ANXA6: variants seen among roughly 807,000 people sequenced by gnomAD.
ANXA6 encodes 67 kDa calelectrin.
Under a neutral mutation model 95.4 loss-of-function variants are expected in ANXA6, and 71 were observed. That is an observed-to-expected ratio of 0.74 (90% confidence interval 0.61 to 0.91). The LOEUF is 0.91. ANXA6 is among the 40% of genes least tolerant of loss of function. The probability of loss-of-function intolerance (pLI) is 0.00; values close to 1 mark genes in which losing one functional copy is unlikely to be tolerated. For missense variants in ANXA6, 830 were observed against 876.4 expected (o/e 0.95, Z 0.67); for synonymous variants, 289 against 315.9 (o/e 0.91, Z 0.90).
intron 2 of ANXA6, among the ~76,000 whole-genome samples, chr5:151,143,635 G>A (rs1765894530): frequency 6.6e-6 from 1 of 152,096 alleles, no homozygotes; most frequent in Admixed American, 6.6e-5. Context: ...CAGATACGAT[G>A]CTAAGGGCAG....
At chr5:151,135,354 G>A (rs1443514368) in intron 7 of ANXA6, among the ~76,000 whole-genome samples, 1 of 152,170 alleles carries the variant, frequency 6.6e-6, no homozygotes, top group African/African-American at 2.4e-5. Flanking sequence ...TTGAAAATGG[G>A]GCACAGGTCA....
chr5:151,140,164 A>G lies in ANXA6; in HGVS notation c.98T>C (p.Met33Thr). The change falls in exon 3 of 26, where the codon ATG (methionine) becomes ACG (threonine). Residue 33 changes from methionine to threonine, a missense_variant. Physicochemically the swap from Met to Thr is moderately conservative, Grantham distance 81 (BLOSUM62 -1). Coordinates refer to ENST00000354546, the MANE Select transcript of ANXA6 (RefSeq NM_001155.5). ...NQDAEALYTA[M>T]KGFGSDKEAI... ...AGCCTGGCACCCACCAAAGCCCTTC[A>G]TGGCAGTGTACAGAGCCTCGGCATC... 1.9e-6 allele frequency: 3 copies of G among 1,613,932 alleles called. No individual in the cohort carries two copies. Among genetic ancestry groups the G allele is most frequent in the Non-Finnish European group, 1.7e-6 (2 of 1,179,858 alleles).
At chr5:151,126,819 C>A (rs981230969) in intron 13 of ANXA6, among the ~76,000 whole-genome samples, 4 of 152,144 alleles carry the variant, frequency 2.6e-5, no homozygotes, top group African/African-American at 9.7e-5. Context: ...CAGGTTCAAG[C>A]GATTCTCCTG....
At chr5:151,103,405 A>C (rs1764602743) in intron 25 of ANXA6, among the ~76,000 whole-genome samples, 165 bp downstream of exon 25, 1 of 152,152 alleles carries the variant, frequency 6.6e-6, no homozygotes, top group Admixed American at 6.5e-5. Flanking sequence ...TTTGGAATTG[A>C]TTTCGGTATA....
At chr5:151,153,629 T>C (rs2113963301) in intron 1 of ANXA6, among the ~76,000 whole-genome samples, 1 of 152,344 alleles carries the variant, frequency 6.6e-6, no homozygotes, top group South Asian at 2.1e-4. Flanking sequence ...GACTCGAGAC[T>C]TTCATTGTCT....
intron 2 of ANXA6, among the ~76,000 whole-genome samples, chr5:151,147,653 T>A (rs865932877): frequency 1.3e-5 from 2 of 152,258 alleles, no homozygotes; most frequent in Non-Finnish European, 1.5e-5. Flanking sequence ...CTCTGTCAGA[T>A]AAGCCAATAC....
intron 23 of ANXA6, among the ~76,000 whole-genome samples, chr5:151,107,507 C>A (rs544299130): frequency 1.3e-5 from 2 of 152,326 alleles, no homozygotes; most frequent in African/African-American, 4.8e-5. Context: ...CCTACCACCA[C>A]CTCTACTTCA....
chr5:151,135,698 A>C (rs1765638837), intron 7 of ANXA6, among the ~76,000 whole-genome samples: 1 of 152,226 alleles, frequency 6.6e-6, no homozygotes, highest in Non-Finnish European at 1.5e-5. Flanking sequence ...CTGCTACCGC[A>C]ACTTTCAATA....
At chr5:151,133,809 C>T (rs1274020849) in intron 8 of ANXA6, among the ~76,000 whole-genome samples, 2 of 152,172 alleles carry the variant, frequency 1.3e-5, no homozygotes, top group African/African-American at 4.8e-5. Flanking sequence ...TCCCGATGCC[C>T]CCAGGCACAG....
At chr5:151,139,226 A>G (rs551747948) in intron 4 of ANXA6, 127 bp downstream of exon 4, 2 of 656,774 alleles carry the variant, frequency 3.0e-6, no homozygotes, top group South Asian at 3.9e-5. Context: ...GAAAAAGAGC[A>G]GGGTAAGGTG....
chr5:151,133,647 G>A (rs1765579774), intron 8 of ANXA6, among the ~76,000 whole-genome samples: 1 of 152,180 alleles, frequency 6.6e-6, no homozygotes, highest in Admixed American at 6.5e-5. Context: ...AATCTTATGG[G>A]ACTAGCATCA....
intron 23 of ANXA6, among the ~76,000 whole-genome samples, chr5:151,107,771 G>A (rs1259659385): frequency 6.6e-6 from 1 of 152,096 alleles, no homozygotes; most frequent in African/African-American, 2.4e-5. Flanking sequence ...GATCCAAAAG[G>A]GAAAAACCTT....
chr5:151,136,303 CGAT>C lies in ANXA6; in HGVS notation c.439_441del (p.Ile147del), dbSNP rs1338679050. 3.7e-6 allele frequency: 6 copies of C among 1,613,874 alleles called. No homozygotes were observed. The highest frequency in any genetic ancestry group is 2.2e-5 in the East Asian group (1 of 44,882). On this transcript the variant is annotated inframe_deletion, in exon 7 of 26. Transcript: ENST00000354546. The stretch of plus-strand genomic sequence containing the variant: ...TTCTGGAAGTGGCCAGAGGTGTCGC[CGAT>C]GATGTCAGCCTCCAGGTCCCGCTCG...
intron 4 of ANXA6, 24 bp downstream of exon 4, chr5:151,139,328 TG>T: frequency 1.3e-6 from 2 of 1,537,860 alleles, no homozygotes; most frequent in South Asian, 1.2e-5. Flanking sequence ...CCGCACCCCA[TG>T]GGCCCTCCGG....
intron 2 of ANXA6, among the ~76,000 whole-genome samples, chr5:151,143,849 C>G (rs1765901083): frequency 6.6e-6 from 1 of 152,016 alleles, no homozygotes; most frequent in Non-Finnish European, 1.5e-5. Flanking sequence ...GACGTCTAAG[C>G]TGAGTCCTGA....
At chr5:151,125,091 T>A (rs1765280564) in intron 14 of ANXA6, among the ~76,000 whole-genome samples, 1 of 152,176 alleles carries the variant, frequency 6.6e-6, no homozygotes, top group African/African-American at 2.4e-5. Context: ...GCACAATGGC[T>A]CATGCCTGTA....
At chr5:151,140,090 G>A in intron 3 of ANXA6, 63 bp downstream of exon 3, 1 of 1,460,438 alleles carries the variant, frequency 6.8e-7, no homozygotes, top group Non-Finnish European at 9.5e-7. Flanking sequence ...CCACCAGAAG[G>A]GCTCTGGGCT....
At chr5:151,130,018 C>T (rs1403518659) in intron 11 of ANXA6, among the ~76,000 whole-genome samples, 6 of 151,928 alleles carry the variant, frequency 3.9e-5, no homozygotes, top group Non-Finnish European at 7.4e-5. Context: ...CTGTTATAAA[C>T]CTCTTCTCTC....
intron 24 of ANXA6, 37 bp from the exon 25 acceptor site, chr5:151,103,729 GGAGA>G: frequency 6.3e-7 from 1 of 1,589,280 alleles, no homozygotes; most frequent in Non-Finnish European, 8.6e-7. Context: ...ACAGGCGGAA[GGAGA>G]GATAGAGCCC....
Sources: allele counts gnomAD v4.1 joint callset (sites outside exome capture counted in the v4.1 genomes callset), GRCh38; gene constraint gnomAD v4.1.1; transcripts MANE v1.5; gene names NCBI Gene and HGNC (gene_info 2026-07-23, HGNC 2026-07-21).